The following RHBDL2 variants were observed in gnomAD, a reference collection of about 807,000 sequenced individuals.
The protein encoded by RHBDL2 is rhomboid like 2.
In RHBDL2, 26 loss-of-function variants were observed where a neutral mutation model predicts 31.7. The ratio of observed to expected loss-of-function variants is 0.82; its 90% CI spans 0.60 to 1.14. The LOEUF is 1.14. Ranked by LOEUF, RHBDL2 falls within the 50% of genes most tolerant of loss-of-function variation. The pLI is 0.00. For missense variants in RHBDL2, 336 were observed against 364.4 expected, an observed-to-expected ratio of 0.92 and a Z score of 0.63; for synonymous variants, 123 against 127.2, an observed-to-expected ratio of 0.97 and a Z score of 0.22.
intron 1 of RHBDL2, among the ~76,000 whole-genome samples, chr1:38,931,706 A>AAAG (rs1643441542): frequency 6.6e-6 from 1 of 151,914 alleles, no homozygotes; most frequent in South Asian, 2.1e-4. Context: ...GGAAAAAAAA[A>AAAG]AAAGAAAGAA....
At chr1:38,923,318 C>A (rs116696928) in intron 1 of RHBDL2, among the ~76,000 whole-genome samples, 16 of 152,274 alleles carry the variant, frequency 1.1e-4, no homozygotes, top group African/African-American at 3.9e-4. Flanking sequence ...GATATTCATG[C>A]AGAACTATTC....
intron 1 of RHBDL2, among the ~76,000 whole-genome samples, chr1:38,936,652 A>G (rs1643515256): frequency 6.6e-6 from 1 of 151,956 alleles, no homozygotes; most frequent in African/African-American, 2.4e-5. Flanking sequence ...GATGCTGGCC[A>G]CCACCCCCAG....
At chr1:38,923,045 G>T (rs1423167511) in intron 1 of RHBDL2, among the ~76,000 whole-genome samples, 4 of 151,722 alleles carry the variant, frequency 2.6e-5, no homozygotes, top group African/African-American at 9.7e-5. Context: ...AGCTGATATC[G>T]TGTCATTGCA....
At chr1:38,929,442 C>A in intron 1 of RHBDL2, 1 of 1,289,496 alleles carries the variant, frequency 7.8e-7, no homozygotes, top group Non-Finnish European at 1.0e-6. Context: ...GGCCAACACC[C>A]TTATGACAAC....
At chr1:38,901,729 G>A (rs911286597) in intron 4 of RHBDL2, among the ~76,000 whole-genome samples, 6 of 151,254 alleles carry the variant, frequency 4.0e-5, no homozygotes, top group East Asian at 1.9e-4. Context: ...CCAGCTACTC[G>A]AGAGGCTGAG....
chr1:38,932,789 T>C (rs900523626), intron 1 of RHBDL2, among the ~76,000 whole-genome samples: 1 of 152,158 alleles, frequency 6.6e-6, no homozygotes, highest in Admixed American at 6.6e-5. Context: ...TTTGGGGTGA[T>C]CTGTTACACA....
intron 4 of RHBDL2, among the ~76,000 whole-genome samples, chr1:38,904,759 C>T (rs931914069): frequency 4.0e-5 from 6 of 149,850 alleles, no homozygotes; most frequent in Non-Finnish European, 7.4e-5. Flanking sequence ...TGGCCGGGCG[C>T]GGTGGCTCAC....
At chr1:38,928,431 G>A (rs1046944147) in intron 1 of RHBDL2, among the ~76,000 whole-genome samples, 4 of 96,456 alleles carry the variant, frequency 4.1e-5, no homozygotes, top group African/African-American at 1.8e-4. Flanking sequence ...GGTGAGCCAC[G>A]GCGCCCGGCC....
At chr1:38,940,557 C>T (rs576607687) in intron 1 of RHBDL2, among the ~76,000 whole-genome samples, 2 of 152,172 alleles carry the variant, frequency 1.3e-5, no homozygotes, top group South Asian at 2.1e-4. Flanking sequence ...ACGCTGCCTA[C>T]GTGCTTTCAA....
chr1:38,933,692 T>C (rs201783770), intron 1 of RHBDL2, among the ~76,000 whole-genome samples: 1 of 151,132 alleles, frequency 6.6e-6, no homozygotes, highest in East Asian at 2.0e-4. Context: ...TGGCCGGCGA[T>C]GTTTATCAGT....
intron 1 of RHBDL2, among the ~76,000 whole-genome samples, chr1:38,931,478 C>T (rs981573115): frequency 9.9e-5 from 15 of 151,450 alleles, no homozygotes; most frequent in Non-Finnish European, 1.8e-4. Flanking sequence ...GCCGAGATCA[C>T]GCCACTGCAC....
At chr1:38,937,165 C>G (rs1392260267) in intron 1 of RHBDL2, among the ~76,000 whole-genome samples, 3 of 150,412 alleles carry the variant, frequency 2.0e-5, no homozygotes, top group Non-Finnish European at 4.4e-5. Flanking sequence ...GCCAGGATGT[C>G]TCAATCTCCT....
intron 1 of RHBDL2, among the ~76,000 whole-genome samples, chr1:38,939,445 C>T (rs190909678): frequency 7.2e-5 from 11 of 152,148 alleles, no homozygotes; most frequent in South Asian, 4.1e-4. Flanking sequence ...GTGGATCACT[C>T]GAGTCCAGGA....
intron 1 of RHBDL2, among the ~76,000 whole-genome samples, chr1:38,935,312 C>G (rs1643486970): frequency 6.6e-6 from 1 of 152,194 alleles, no homozygotes; most frequent in African/African-American, 2.4e-5. Flanking sequence ...GCTCATGTCT[C>G]AATTCTAATT....
chr1:38,904,753 C>T (rs898993427), intron 4 of RHBDL2, among the ~76,000 whole-genome samples: 4 of 149,468 alleles, frequency 2.7e-5, no homozygotes, highest in East Asian at 1.9e-4. Flanking sequence ...AAAAATTGGC[C>T]GGGCGCGGTG....
At chr1:38,900,097 T>A (rs1360760913) in intron 4 of RHBDL2, among the ~76,000 whole-genome samples, 2 of 152,150 alleles carry the variant, frequency 1.3e-5, no homozygotes, top group Non-Finnish European at 2.9e-5. Context: ...TGCTTTCAAG[T>A]AACATAACTG....
intron 5 of RHBDL2, among the ~76,000 whole-genome samples, chr1:38,893,467 C>A (rs1428103347): frequency 1.3e-5 from 2 of 152,012 alleles, no homozygotes; most frequent in Non-Finnish European, 1.5e-5. Context: ...TAGCCAGAAA[C>A]AATCTCAATA....
chr1:38,892,328 C>G (rs1465957281), intron 6 of RHBDL2, among the ~76,000 whole-genome samples: 1 of 152,088 alleles, frequency 6.6e-6, no homozygotes, highest in Non-Finnish European at 1.5e-5. Context: ...AGTTTTCCCT[C>G]TGCAGACAAA....
intron 4 of RHBDL2, among the ~76,000 whole-genome samples, chr1:38,909,837 C>G (rs1050379521): frequency 6.6e-6 from 1 of 152,114 alleles, no homozygotes; most frequent in Non-Finnish European, 1.5e-5. Flanking sequence ...GACATTTATC[C>G]TAGAAAACTG....
Sources: gnomAD v4.1 joint callset for allele counts (sites outside exome capture counted in the v4.1 genomes callset) on GRCh38, gnomAD v4.1.1 for gene constraint, MANE v1.5 for transcripts, NCBI Gene and HGNC (gene_info 2026-07-23, HGNC 2026-07-21) for gene names.